Variants in EBF1 observed in about 807,000 individuals in gnomAD.
EBF1 encodes transcription factor COE1.
EBF1 carries 10 observed loss-of-function variants against 68.4 expected under a neutral mutation model. That is an observed-to-expected ratio of 0.15 (90% CI 0.09 to 0.25). The LOEUF (loss-of-function observed/expected upper bound fraction) is 0.25, where lower values mean the gene tolerates loss of function less well. EBF1 is among the 10% of genes least tolerant of loss of function. The pLI is 1.00. For missense variants in EBF1, 509 were observed against 794.4 expected (o/e 0.64, Z 4.32); for synonymous variants, 298 against 299.8 (o/e 0.99, Z 0.06).
chr5:158,741,296 TG>T (rs762833156), intron 10 of EBF1, among the ~76,000 whole-genome samples: 9 of 152,156 alleles, frequency 5.9e-5, no homozygotes, highest in Non-Finnish European at 1.3e-4. Flanking sequence ...ACTGTAAGGC[TG>T]GGCACAGTGG....
intron 6 of EBF1, among the ~76,000 whole-genome samples, chr5:158,845,069 A>T (rs191664689): frequency 1.1e-3 from 166 of 152,320 alleles, no homozygotes; most frequent in African/African-American, 3.8e-3. Flanking sequence ...TAAAATTTTT[A>T]AAAAATCATC....
At chr5:159,042,471 T>C (rs1302624892) in intron 6 of EBF1, among the ~76,000 whole-genome samples, 1 of 152,150 alleles carries the variant, frequency 6.6e-6, no homozygotes, top group Non-Finnish European at 1.5e-5. Context: ...TACCTAAAAC[T>C]ATGATCAATG....
intron 9 of EBF1, among the ~76,000 whole-genome samples, chr5:158,784,695 T>A (rs1777068990): frequency 6.6e-6 from 1 of 151,510 alleles, no homozygotes; most frequent in Admixed American, 6.6e-5. Flanking sequence ...CACTTAAAAG[T>A]AAAGAAAAAA....
intron 5 of EBF1, among the ~76,000 whole-genome samples, chr5:159,076,648 G>A (rs180820744): frequency 5.9e-5 from 9 of 152,286 alleles, no homozygotes; most frequent in African/African-American, 1.9e-4. Context: ...TTTAGGCCAA[G>A]TATGAAAAAT....
intron 8 of EBF1, among the ~76,000 whole-genome samples, chr5:158,815,200 C>T (rs745628299): frequency 6.6e-6 from 1 of 152,098 alleles, no homozygotes; most frequent in Non-Finnish European, 1.5e-5. Flanking sequence ...TCTCTTTAGC[C>T]TTGGTTTTCT....
chr5:158,703,352 T>G (rs181829984), intron 15 of EBF1, among the ~76,000 whole-genome samples: 474 of 152,310 alleles, frequency 3.1e-3, no homozygotes, highest in African/African-American at 0.011. Context: ...AGTTGCATTT[T>G]CCAAAGTTTT....
Position 159,097,056 on chromosome 5 carries a change from A to T in EBF1, c.209T>A (p.Phe70Tyr). The change falls in exon 2 of 16, where the codon TTC (phenylalanine) becomes TAC (tyrosine). Residue 70 changes from phenylalanine (F) to tyrosine (Y), a missense_variant. Transcript: ENST00000313708. ...SNLRKSNFFH[F>Y]VLALYDRQGQ... is the part of the protein sequence containing the mutation. ...CTGTCTGTCGTAGAGGGCCAGGACGAAGTGGAAGAAGTTGGATTTCCGCAG... is the reference window on the plus strand; with the variant it reads ...CTGTCTGTCGTAGAGGGCCAGGACGTAGTGGAAGAAGTTGGATTTCCGCAG... The T allele has an allele frequency of 6.2e-7, 1 of 1,614,038 alleles. No individual in the cohort carries two copies. Among genetic ancestry groups the T allele is most frequent in the East Asian group, 2.2e-5 (1 of 44,874 alleles).
intron 6 of EBF1, among the ~76,000 whole-genome samples, chr5:158,993,069 C>T (rs1479129385): frequency 6.6e-6 from 1 of 151,624 alleles, no homozygotes; most frequent in Non-Finnish European, 1.5e-5. Context: ...GCCGGGATTA[C>T]AGGTGCACGC....
chr5:159,048,024 T>G (rs1772779048), intron 6 of EBF1, among the ~76,000 whole-genome samples: 3 of 152,186 alleles, frequency 2.0e-5, no homozygotes, highest in African/African-American at 7.2e-5. Flanking sequence ...AGGCACTATA[T>G]TTTCCACATG....
At chr5:158,700,555 A>T (rs998534089) in intron 15 of EBF1, among the ~76,000 whole-genome samples, 2 of 150,566 alleles carry the variant, frequency 1.3e-5, no homozygotes, top group Non-Finnish European at 3.0e-5. Context: ...AAATCCTGCA[A>T]GTGGACACAG....
chr5:158,779,806 T>C (rs1337851293), intron 9 of EBF1, among the ~76,000 whole-genome samples: 1 of 152,188 alleles, frequency 6.6e-6, no homozygotes, highest in Non-Finnish European at 1.5e-5. Context: ...TATAAATTGA[T>C]TAGATATGAC....
chr5:158,856,692 T>C (rs1383611198), intron 6 of EBF1, among the ~76,000 whole-genome samples: 5 of 152,194 alleles, frequency 3.3e-5, no homozygotes, highest in Non-Finnish European at 7.3e-5. Context: ...TCACCCTGCC[T>C]CCATTCCTGT....
rs561375432 is a variant in EBF1, at chr5:158,834,609, A to AAAAC, written c.636+5416_636+5419dup. Among the ~76,000 whole-genome samples the AAAAC allele has an allele frequency of 2.7e-3, 410 of 152,332 alleles. 3 individuals carry two copies. The highest frequency in any genetic ancestry group is 9.6e-3 in the African/African-American group (400 of 41,568). ...TCTGCAGAAAGTGATTAATTTCTTG[A>AAAAC]AAACACTAAGGTCACACTAATTGAC... On this transcript the variant is annotated intron_variant, in intron 7 of 15. Transcript: ENST00000313708.
At chr5:158,705,270 C>G (rs757597116) in intron 15 of EBF1, among the ~76,000 whole-genome samples, 1 of 152,194 alleles carries the variant, frequency 6.6e-6, no homozygotes, top group Non-Finnish European at 1.5e-5. Context: ...TGTGAACCAC[C>G]ACGCCCAGTC....
intron 6 of EBF1, among the ~76,000 whole-genome samples, chr5:159,022,225 A>G (rs1285996694): frequency 6.6e-6 from 1 of 152,214 alleles, no homozygotes; most frequent in African/African-American, 2.4e-5. Context: ...TAGTTCATGA[A>G]TGTGTTGTCA....
At chr5:158,842,195 G>A (rs913514457) in intron 6 of EBF1, among the ~76,000 whole-genome samples, 8 of 152,204 alleles carry the variant, frequency 5.3e-5, no homozygotes, top group African/African-American at 1.2e-4. Flanking sequence ...CAAATCCTAA[G>A]TGCCTTTGCA....
intron 10 of EBF1, among the ~76,000 whole-genome samples, chr5:158,756,818 G>A (rs1011127297): frequency 6.6e-6 from 1 of 151,738 alleles, no homozygotes; most frequent in Non-Finnish European, 1.5e-5. Flanking sequence ...CATGTGCCAC[G>A]GTTTGTGTGT....
At chr5:158,704,834 C>T (rs1202752873) in intron 15 of EBF1, among the ~76,000 whole-genome samples, 3 of 152,136 alleles carry the variant, frequency 2.0e-5, no homozygotes, top group Non-Finnish European at 4.4e-5. Flanking sequence ...GCCCCACCTG[C>T]CAGCACAGCA....
At chr5:159,067,354 A>G (rs1777028620) in intron 6 of EBF1, among the ~76,000 whole-genome samples, 1 of 152,154 alleles carries the variant, frequency 6.6e-6, no homozygotes. Context: ...ACGGGCTGAT[A>G]CCCGGGCCAT....
Sources: gnomAD v4.1 joint callset for allele counts (sites outside exome capture counted in the v4.1 genomes callset) on GRCh38, gnomAD v4.1.1 for gene constraint, MANE v1.5 for transcripts, NCBI Gene and HGNC (gene_info 2026-07-23, HGNC 2026-07-21) for gene names.